The following ATP10A variants were observed in gnomAD, a reference collection of about 807,000 sequenced individuals.
ATP10A encodes ATPase phospholipid transporting 10A (putative), also known as phospholipid-transporting ATPase VA.
Under a neutral mutation model 147.8 loss-of-function variants are expected in ATP10A, and 111 were observed. The observed-to-expected ratio is 0.75, with a 90% confidence interval of 0.64 to 0.88. ATP10A has a LOEUF of 0.88. Ranked by LOEUF, ATP10A falls within the 40% of genes least tolerant of loss-of-function variation. The pLI is 0.00. For missense variants in ATP10A, 1,927 were observed against 1,959.0 expected (o/e 0.98, Z 0.31); for synonymous variants, 875 against 841.6 (o/e 1.04, Z -0.69).
Position 25,679,406 on chromosome 15 carries a change from G to A in ATP10A, c.4435C>T (p.Arg1479Ter), listed in dbSNP as rs1051708992. Residue 1479 changes from arginine to a stop codon, truncating the protein, a stop_gained, in exon 21 of 21, where the codon CGA becomes TGA. Coordinates refer to ENST00000555815, the MANE Select transcript of ATP10A (RefSeq NM_024490.4). LOFTEE classifies it high-confidence loss of function. ...TGGTCTGGCCCTTGAAGTCCTGATC[G>A]GCCTGAGTGGGGCTGGACAGGAAGT... Reference protein sequence around the residue: ...RGLPVQPHSGRSGLQGPDHRL... With the variant: ...RGLPVQPHSG The A allele has an allele frequency of 1.1e-5, 17 of 1,611,926 alleles. No homozygotes were observed. The highest frequency in any genetic ancestry group is 3.3e-5 in the South Asian group (3 of 91,038).
At chr15:25,791,089 T>G (rs1890399707) in intron 1 of ATP10A, among the ~76,000 whole-genome samples, 1 of 151,636 alleles carries the variant, frequency 6.6e-6, no homozygotes, top group Non-Finnish European at 1.5e-5. Flanking sequence ...CAAGTGTTTT[T>G]TTTTTTTTTT....
chr15:25,694,909 A>C lies in ATP10A; in HGVS notation c.2998T>G (p.Ser1000Ala). ...KFLFLAKQCR[S>A]VLCCRSTPLQ... ...GGCGTCGACCGACAGCAGAGGACGG[A>C]GCGGCACTGCTTGGCAAGGAAGAGG... Residue 1000 changes from serine (S) to alanine (A), a missense_variant, in exon 14 of 21, where the codon TCC (serine) becomes GCC (alanine). Ser to Ala is a moderately conservative substitution (Grantham distance 99, BLOSUM62 1). Transcript: ENST00000555815. 1 of 1,614,158 alleles carries C rather than the reference A, an allele frequency of 6.2e-7. No individual in the cohort carries two copies. Among genetic ancestry groups the C allele is most frequent in the Non-Finnish European group, 8.5e-7 (1 of 1,180,038 alleles).
intron 1 of ATP10A, chr15:25,841,653 C>T (rs556289768): frequency 1.3e-5 from 2 of 151,056 alleles, no homozygotes; most frequent in South Asian, 4.2e-4. Context: ...ATAGAGAAAA[C>T]TGACTCACTA....
chr15:25,735,952 G>A (rs1887241292), intron 3 of ATP10A, 104 bp downstream of exon 3: 1 of 1,037,840 alleles, frequency 9.6e-7, no homozygotes, highest in South Asian at 1.3e-5. Flanking sequence ...TACACCATGT[G>A]GCAAAGAGTA....
chr15:25,764,119 T>G (rs1376849780), intron 2 of ATP10A, among the ~76,000 whole-genome samples: 5 of 152,186 alleles, frequency 3.3e-5, no homozygotes, highest in African/African-American at 1.2e-4. Flanking sequence ...TGCAGATCCT[T>G]GCCTCAGTGG....
At chr15:25,785,285 A>G (rs1036938998) in intron 1 of ATP10A, among the ~76,000 whole-genome samples, 3 of 152,190 alleles carry the variant, frequency 2.0e-5, no homozygotes, top group East Asian at 3.9e-4. Context: ...CCCAAATGCA[A>G]TGTGGCTGGG....
At chr15:25,849,052 A>G (rs757754074) in intron 1 of ATP10A, among the ~76,000 whole-genome samples, 2 of 151,870 alleles carry the variant, frequency 1.3e-5, no homozygotes, top group Non-Finnish European at 2.9e-5. Flanking sequence ...TGGTGAGAGG[A>G]GGGAGAGTCT....
chr15:25,751,960 G>A (rs959212139), intron 2 of ATP10A, among the ~76,000 whole-genome samples: 1 of 150,378 alleles, frequency 6.6e-6, no homozygotes, highest in Admixed American at 6.8e-5. Flanking sequence ...GAACCACAAT[G>A]AGATTTGCTA....
At chr15:25,844,303 T>C (rs1198354156) in intron 1 of ATP10A, among the ~76,000 whole-genome samples, 1 of 152,186 alleles carries the variant, frequency 6.6e-6, no homozygotes, top group Non-Finnish European at 1.5e-5. Flanking sequence ...CTTTGCCAGC[T>C]GGAGCCTCTA....
At chr15:25,779,958 G>A (rs953776649) in intron 2 of ATP10A, among the ~76,000 whole-genome samples, 50 of 152,090 alleles carry the variant, frequency 3.3e-4, no homozygotes, top group Non-Finnish European at 1.6e-4. Flanking sequence ...CAGGCAGGCC[G>A]GGCGGGCGAG....
chr15:25,757,064 C>T (rs577047239), intron 2 of ATP10A, among the ~76,000 whole-genome samples: 17 of 152,276 alleles, frequency 1.1e-4, no homozygotes, highest in African/African-American at 3.8e-4. Flanking sequence ...AACTTAAAAC[C>T]TTCAAGTGAA....
At chr15:25,732,007 C>T (rs573720212) in intron 3 of ATP10A, among the ~76,000 whole-genome samples, 1 of 152,146 alleles carries the variant, frequency 6.6e-6, no homozygotes, top group African/African-American at 2.4e-5. Context: ...AGGTGTGCAC[C>T]ACCACACCCA....
rs189221552 is a variant in ATP10A at position 25,688,900 on chromosome 15, C to T, written c.3166-1072G>A. ...TTCTGTAATGCTTTACCCATTAACC[C>T]CATGATTCATTCTCTCAAAAATCAT... On this transcript the variant is annotated intron_variant, in intron 15 of 20. Coordinates refer to ENST00000555815, the MANE Select transcript of ATP10A (RefSeq NM_024490.4). Among the ~76,000 whole-genome samples, 227 of 152,330 alleles carry T rather than the reference C, an allele frequency of 1.5e-3. 2 individuals are homozygous for T. The highest frequency in any genetic ancestry group is 5.2e-3 in the African/African-American group (217 of 41,576).
chr15:25,727,603 C>G (rs1221009376), intron 3 of ATP10A, among the ~76,000 whole-genome samples: 2 of 152,164 alleles, frequency 1.3e-5, no homozygotes, highest in Admixed American at 6.5e-5. Flanking sequence ...GGCCTTGCTA[C>G]GTGGTCTCTG....
Position 25,714,120 on chromosome 15 carries a change from G to T in ATP10A, c.1898C>A (p.Ser633Tyr), listed in dbSNP as rs777359901. ...SSIGSLAANK[S>Y]SHKLGSSFPS... The stretch of plus-strand genomic sequence containing the variant: ...GAAGCTGGAGCCCAACTTGTGGCTG[G>T]ACTTGTTGGCGGCCAGGCTCCCGAT... The change falls in exon 10 of 21, where the codon TCC (serine) becomes TAC (tyrosine). Residue 633 changes from serine (S) to tyrosine (Y), a missense_variant. Transcript: ENST00000555815. 1.2e-6 allele frequency: 2 copies of T among 1,612,964 alleles called. No homozygotes were observed. Among genetic ancestry groups the T allele is most frequent in the East Asian group, 4.5e-5 (2 of 44,878 alleles).
chr15:25,816,454 A>C (rs1891658165), intron 1 of ATP10A, among the ~76,000 whole-genome samples: 1 of 152,220 alleles, frequency 6.6e-6, no homozygotes, highest in African/African-American at 2.4e-5. Context: ...CCTAAATAAT[A>C]AAATTGGTTC....
chr15:25,688,952 A>G (rs1899856988), intron 15 of ATP10A, among the ~76,000 whole-genome samples: 1 of 152,236 alleles, frequency 6.6e-6, no homozygotes, highest in African/African-American at 2.4e-5. Context: ...ATTGCCAGCC[A>G]CAGACTTGGA....
At chr15:25,733,506 T>C (rs922675636) in intron 3 of ATP10A, among the ~76,000 whole-genome samples, 3 of 152,114 alleles carry the variant, frequency 2.0e-5, no homozygotes, top group African/African-American at 7.2e-5. Flanking sequence ...GCTGCTCCCC[T>C]TGGTCGTGCC....
intron 1 of ATP10A, among the ~76,000 whole-genome samples, chr15:25,798,767 G>A (rs1241193110): frequency 2.0e-5 from 3 of 152,166 alleles, no homozygotes; most frequent in Admixed American, 6.5e-5. Flanking sequence ...ACTGCAGACC[G>A]TGGGGCAAAA....
Sources: allele counts gnomAD v4.1 joint callset (sites outside exome capture counted in the v4.1 genomes callset), GRCh38; gene constraint gnomAD v4.1.1; transcripts MANE v1.5; gene names NCBI Gene and HGNC (gene_info 2026-07-23, HGNC 2026-07-21).